The following TRPM1 variants were observed in gnomAD, a reference collection of about 807,000 sequenced individuals.
TRPM1 encodes the protein TRPM1-203 APA Isoform, Intron 10.
In TRPM1, 113 loss-of-function variants were observed where a neutral mutation model predicts 149.4. The observed-to-expected ratio is 0.76, with a 90% CI of 0.65 to 0.88. The LOEUF (loss-of-function observed/expected upper bound fraction) is 0.88. Among genes scored for constraint, TRPM1 ranks in the 40% least tolerant of loss-of-function variants. The pLI is 0.00. For synonymous variants in TRPM1, 741 were observed against 759.5 expected (o/e 0.98, Z 0.40); for missense variants, 1,976 against 2,038.7 (o/e 0.97, Z 0.59).
chr15:31,102,255 G>C (rs2035532473), upstream of TRPM1, among the ~76,000 whole-genome samples: 2 of 152,306 alleles, frequency 1.3e-5, no homozygotes, highest in South Asian at 2.1e-4. Context: ...CCTTCACCAG[G>C]AGCTTGCCTG....
intron 1 of TRPM1, among the ~76,000 whole-genome samples, chr15:31,113,002 G>A (rs1484746912): frequency 1.3e-5 from 2 of 152,168 alleles, no homozygotes; most frequent in South Asian, 2.1e-4. Context: ...ACCATCTGAG[G>A]TGCCGGTAAG....
intron 1 of TRPM1, among the ~76,000 whole-genome samples, chr15:31,128,770 C>T (rs1468655180): frequency 2.0e-5 from 3 of 152,244 alleles, no homozygotes; most frequent in African/African-American, 4.8e-5. Context: ...GCTCATGGGG[C>T]CCTGCCATCA....
chr15:31,040,910 C>T lies in TRPM1; in HGVS notation c.2088-564G>A, dbSNP rs540550973. Among the ~76,000 whole-genome samples the T allele has an allele frequency of 3.2e-4, 49 of 152,188 alleles. No homozygotes were observed. The South Asian group carries it at 9.5e-3, about 30-fold the overall frequency. ...TTTCGGATGTATGCCTTTCTCTGCC[C>T]GTGTAACACTTCACCATCACAGTGA... On this transcript the variant is annotated intron_variant, in intron 17 of 27. Coordinates refer to ENST00000256552, the MANE Select transcript of TRPM1 (RefSeq NM_001252024.2). This position sits in a 1 kb window ranked among gnomAD's most constrained non-coding sequence, Gnocchi z 4.2.
chr15:31,080,182 A>G (rs1379037287), intron 2 of TRPM1, among the ~76,000 whole-genome samples: 1 of 152,224 alleles, frequency 6.6e-6, no homozygotes, highest in Non-Finnish European at 1.5e-5. Context: ...GACAATCACC[A>G]TTTGGCAACC....
Position 31,062,488 on chromosome 15 carries a change from A to G in TRPM1, c.1089+91T>C, listed in dbSNP as rs1266225331. ...CAGAAAAGGCCGGACTAAAATATGA[A>G]TAACCCTGTCATGCACACATGGGCG... is the stretch of plus-strand genomic sequence containing the variant. On this transcript the variant is annotated intron_variant, in intron 9 of 27. Transcript: ENST00000256552. The G allele has an allele frequency of 4.6e-6, 7 of 1,532,778 alleles. No homozygotes were observed. In the South Asian group the frequency reaches 7.9e-5, roughly 17 times the overall value. 94.9% of individuals were successfully genotyped at this position (1,532,778 alleles called of 1,614,324 possible).
chr15:31,076,822 C>G, intron 3 of TRPM1, 83 bp downstream of exon 3: 1 of 1,137,250 alleles, frequency 8.8e-7, no homozygotes, highest in Non-Finnish European at 1.3e-6. Context: ...TTCTGGACTC[C>G]TCTTTCTGCC....
intron 1 of TRPM1, among the ~76,000 whole-genome samples, chr15:31,157,852 A>G (rs2036397315): frequency 1.3e-5 from 2 of 152,176 alleles, no homozygotes; most frequent in Non-Finnish European, 2.9e-5. Flanking sequence ...ATGACCCTGG[A>G]AGACTCGTAC....
At chr15:31,067,756 A>T in intron 5 of TRPM1, 123 bp downstream of exon 5, 1 of 952,902 alleles carries the variant, frequency 1.0e-6, no homozygotes, top group Non-Finnish European at 1.6e-6. Flanking sequence ...ACTTCACTTT[A>T]GTCATAAATA....
At chr15:31,034,184 A>C (rs995083203) in intron 21 of TRPM1, among the ~76,000 whole-genome samples, 1 of 152,166 alleles carries the variant, frequency 6.6e-6, no homozygotes, top group Non-Finnish European at 1.5e-5. Flanking sequence ...TGATATTGGA[A>C]AGGGAAGTAT....
At chr15:31,107,643 G>T (rs527552562) in intron 1 of TRPM1, among the ~76,000 whole-genome samples, 1 of 151,950 alleles carries the variant, frequency 6.6e-6, no homozygotes, top group Non-Finnish European at 1.5e-5. Context: ...AAAGTTGAAG[G>T]TTAGGTTATT....
At chr15:31,108,035 T>C (rs1465684952) in intron 1 of TRPM1, among the ~76,000 whole-genome samples, 1 of 152,064 alleles carries the variant, frequency 6.6e-6, no homozygotes, top group East Asian at 1.9e-4. Flanking sequence ...TTTTTGTATT[T>C]TTAGTAGAGA....
chr15:31,077,463 C>T (rs1703013967), intron 2 of TRPM1, among the ~76,000 whole-genome samples: 1 of 152,124 alleles, frequency 6.6e-6, no homozygotes, highest in Admixed American at 6.5e-5. Flanking sequence ...CCAGGGACAT[C>T]TCACACAGAG....
rs75863341 is a variant in TRPM1 at position 31,129,688 on chromosome 15, C to T, written c.54+31218G>A. Among the ~76,000 whole-genome samples the T allele has an allele frequency of 5.8e-3, 877 of 152,252 alleles. 9 individuals are homozygous for T. The highest frequency in any genetic ancestry group is 0.01 in the Non-Finnish European group (701 of 68,020). On this transcript the variant is annotated intron_variant, in intron 1 of 26. Transcript: ENST00000542188. ...ATTACGGAGAATCCTGGCATACAAC[C>T]GTAGTATATGCTAAACATAGCCCAG...
intron 1 of TRPM1, among the ~76,000 whole-genome samples, chr15:31,140,545 C>T (rs1444444742): frequency 6.6e-6 from 1 of 152,138 alleles, no homozygotes; most frequent in African/African-American, 2.4e-5. Context: ...TGTGAGAGTT[C>T]CCTCACGAGT....
At chr15:31,065,523 C>A (rs1048939752) in intron 7 of TRPM1, among the ~76,000 whole-genome samples, 5 of 152,174 alleles carry the variant, frequency 3.3e-5, no homozygotes, top group Non-Finnish European at 2.9e-5. Flanking sequence ...TTGCGTCTTT[C>A]TCTCTAGTTC....
Position 31,023,759 on chromosome 15 carries a change from C to T in TRPM1, c.3629+2380G>A, listed in dbSNP as rs184793472. On this transcript the variant is annotated intron_variant, in intron 27 of 27. Coordinates refer to ENST00000256552, the MANE Select transcript of TRPM1 (RefSeq NM_001252024.2). ...TGGGAGGAGAACCCTGAGAGCAGGG[C>T]CCCTATGACATCTAAGTGGGCGTGG... is the stretch of plus-strand genomic sequence containing the variant. Among the ~76,000 whole-genome samples the T allele has an allele frequency of 1.1e-4, 16 of 152,238 alleles. 1 individual carries two copies. Among genetic ancestry groups the T allele is most frequent in the Admixed American group, 6.5e-4 (10 of 15,292 alleles).
At chr15:31,066,896 G>T (rs986444137) in intron 6 of TRPM1, among the ~76,000 whole-genome samples, 167 bp downstream of exon 6, 1 of 152,158 alleles carries the variant, frequency 6.6e-6, no homozygotes, top group Non-Finnish European at 1.5e-5. Context: ...ACAGTATCCG[G>T]GTTGTGATCT....
rs541028517 is a variant in TRPM1, at chr15:31,124,015, G to A, written c.54+36891C>T. ...CAGTGCTAAAAAGAAATAAGCCATC[G>A]GGGCTGGGTGTGGTACCCAGTACTT... On this transcript the variant is annotated intron_variant, in intron 1 of 26. Coordinates refer to the TRPM1 transcript ENST00000542188. 5.3e-5 allele frequency among the ~76,000 whole-genome samples: 8 copies of A among 152,308 alleles called. No individual in the cohort carries two copies. In the East Asian group the frequency reaches 9.6e-4, roughly 18 times the overall value.
chr15:31,072,179 A>G (rs1434129742), intron 3 of TRPM1, among the ~76,000 whole-genome samples: 1 of 151,730 alleles, frequency 6.6e-6, no homozygotes, highest in Non-Finnish European at 1.5e-5. Flanking sequence ...ACCACCATCT[A>G]TCTACCTGTG....
Sources: allele counts gnomAD v4.1 joint callset (sites outside exome capture counted in the v4.1 genomes callset), GRCh38; gene constraint gnomAD v4.1.1; non-coding constraint Gnocchi (gnomAD v3.1); transcripts MANE v1.5; gene names NCBI Gene and HGNC (gene_info 2026-07-23, HGNC 2026-07-21).